Variants in TCTN1 observed in about 807,000 individuals in gnomAD.
TCTN1 encodes tectonic family member 1.
In TCTN1, 58 loss-of-function variants were observed where a neutral mutation model predicts 65.8. That is an observed-to-expected ratio of 0.88 (90% CI 0.71 to 1.10). The LOEUF is 1.10. Ranked by LOEUF, TCTN1 falls within the 50% of genes least tolerant of loss-of-function variation. TCTN1 has a pLI of 0.00. For synonymous variants in TCTN1, 273 were observed against 289.1 expected (o/e 0.94, Z 0.57); for missense variants, 645 against 719.4 (o/e 0.90, Z 1.18).
At chr12:110,620,106 G>A in intron 2 of TCTN1, 150 bp downstream of exon 2, 1 of 1,230,738 alleles carries the variant, frequency 8.1e-7, no homozygotes, top group African/African-American at 1.5e-5. Context: ...AAACAAATAT[G>A]TAAAAAAGTA....
intron 5 of TCTN1, 103 bp downstream of exon 5, chr12:110,632,662 G>T: frequency 8.2e-7 from 1 of 1,219,162 alleles, no homozygotes; most frequent in Non-Finnish European, 1.2e-6. Context: ...GACCAAAATC[G>T]CAATTATTTT....
At chr12:110,627,918 G>A in intron 3 of TCTN1, 1 of 933,456 alleles carries the variant, frequency 1.1e-6, no homozygotes, top group Non-Finnish European at 1.6e-6. Context: ...GTTCTCTTGT[G>A]ATTGAAAACA....
At chr12:110,635,127 AG>A (rs1488224882) in intron 6 of TCTN1, among the ~76,000 whole-genome samples, 3 of 152,344 alleles carry the variant, frequency 2.0e-5, no homozygotes, top group Admixed American at 6.5e-5. Context: ...AGCCCCAAAA[AG>A]GGCTCCCTCT....
In TCTN1 at chr12:110,644,814, T is replaced by C. The variant is rs1208525426; in HGVS notation, c.1332-153T>C. 1.4e-5 allele frequency: 13 copies of C among 940,268 alleles called. No individual in the cohort carries two copies. In the East Asian group the frequency reaches 3.0e-4, roughly 22 times the overall value. The allele number at this position is 940,268 out of a possible 1,614,324, so 58.2% of individuals were successfully genotyped here. A position where few individuals can be genotyped will look rare whatever the true frequency, so the allele number is the denominator to read the frequency against. ...CCAGGAGTTTGAGGCTGCAGGGAGC[T>C]ATGATGGTGCCACTGCACTCCAGCT... On this transcript the variant is annotated intron_variant, in intron 11 of 14. Coordinates refer to ENST00000397659, the MANE Select transcript of TCTN1 (RefSeq NM_001082538.3). The surrounding 1 kb of genome is among the most constrained non-coding windows in gnomAD (Gnocchi z 4.6).
chr12:110,633,523 G>T (rs1175377608), intron 5 of TCTN1, among the ~76,000 whole-genome samples: 1 of 152,028 alleles, frequency 6.6e-6, no homozygotes, highest in African/African-American at 2.4e-5. Context: ...TGTAGTTCCA[G>T]CTACTCAGGA....
chr12:110,617,472 C>A (rs1404369284), intron 1 of TCTN1, among the ~76,000 whole-genome samples: 6 of 151,360 alleles, frequency 4.0e-5, no homozygotes, highest in Non-Finnish European at 1.5e-5. Context: ...TACAGCCGCG[C>A]GCCACCATGC....
intron 1 of TCTN1, 58 bp from the exon 2 acceptor site, chr12:110,619,778 G>T: frequency 6.2e-7 from 1 of 1,610,710 alleles, no homozygotes; most frequent in Non-Finnish European, 8.5e-7. Context: ...TGGTGGCAGG[G>T]GGCAGTCACC....
chr12:110,636,224 A>T (rs1012713962), intron 6 of TCTN1: 14 of 444,640 alleles, frequency 3.1e-5, no homozygotes, highest in African/African-American at 6.0e-5. Context: ...TGGAGCATGG[A>T]GCCTTCCTGA....
chr12:110,616,225 G>C, intron 1 of TCTN1: 2 of 443,794 alleles, frequency 4.5e-6, no homozygotes, highest in Admixed American at 4.9e-5. Flanking sequence ...CCAGTATAGG[G>C]GATGAATTTG....
In TCTN1 at chr12:110,614,248, C is replaced by T. The variant is rs1442508426; in HGVS notation, c.66C>T (p.Ala22=). The T allele has an allele frequency of 1.3e-6, 2 of 1,594,138 alleles. No individual in the cohort carries two copies. Among genetic ancestry groups the T allele is most frequent in the Admixed American group, 1.8e-5 (1 of 56,786 alleles). ...VLLGCWASVS[A]QTDATPAVTT... is the part of the protein sequence containing the mutation. ...TGGGCTGCTGGGCCTCCGTGAGCGC[C>T]CAGACCGATGCCACCCCGGCGGTGA... Residue 22 remains alanine, a synonymous_variant, in exon 1 of 15, where the codon GCC becomes GCT. Transcript: ENST00000397659.
At chr12:110,614,780 C>T (rs1470968340) in intron 1 of TCTN1, among the ~76,000 whole-genome samples, 1 of 152,092 alleles carries the variant, frequency 6.6e-6, no homozygotes, top group African/African-American at 2.4e-5. Flanking sequence ...AAAGAGAGGC[C>T]AAAGGTCTAT....
Position 110,644,912 on chromosome 12 carries a change from C to T in TCTN1, c.1332-55C>T. ...AGGAAAGGAAGAAGAAAATGAAAAACTGCTGGTGGATGAACAACAGCCTCA... is the reference window on the plus strand; with the variant it reads ...AGGAAAGGAAGAAGAAAATGAAAAATTGCTGGTGGATGAACAACAGCCTCA... On this transcript the variant is annotated intron_variant, in intron 11 of 14. Coordinates refer to ENST00000397659, the MANE Select transcript of TCTN1 (RefSeq NM_001082538.3). The surrounding 1 kb of genome is among the most constrained non-coding windows in gnomAD (Gnocchi z 4.6). The T allele has an allele frequency of 6.2e-7, 1 of 1,606,146 alleles. No homozygotes were observed. Among genetic ancestry groups the T allele is most frequent in the Non-Finnish European group, 8.5e-7 (1 of 1,173,078 alleles).
chr12:110,647,917 CCT>C, intron 14 of TCTN1, 24 bp downstream of exon 14: 1 of 1,612,020 alleles, frequency 6.2e-7, no homozygotes, highest in Non-Finnish European at 8.5e-7. Flanking sequence ...CTACGCCCCT[CCT>C]CTGAGGTCAT....
intron 2 of TCTN1, among the ~76,000 whole-genome samples, chr12:110,620,874 G>A (rs1007105363): frequency 2.7e-5 from 4 of 149,088 alleles, no homozygotes; most frequent in Non-Finnish European, 5.9e-5. Context: ...GTGCAGTGGT[G>A]TGATAGTGGC....
chr12:110,624,422 C>T (rs2065681526), intron 2 of TCTN1, among the ~76,000 whole-genome samples: 1 of 152,098 alleles, frequency 6.6e-6, no homozygotes, highest in Non-Finnish European at 1.5e-5. Context: ...CTGTGTTGCC[C>T]AGGCTGGTCT....
rs1229592094 is a variant in TCTN1, at chr12:110,649,156, A to AATT, written c.*117_*119dup. On this transcript the variant is annotated 3_prime_UTR_variant, in exon 15 of 15. Transcript: ENST00000397659. ...TTGTCCAGCTTTGTTGCTCATTTTC[A>AATT]ATTAAGGCTAAAGTGTTCAACATGA... The AATT allele has an allele frequency of 1.5e-6, 1 of 680,668 alleles. No homozygotes were observed. The highest frequency in any genetic ancestry group is 2.7e-6 in the Non-Finnish European group (1 of 375,364). 42.2% of individuals were successfully genotyped at this position (680,668 alleles called of 1,614,324 possible).
chr12:110,642,997 C>T (rs561276769), intron 11 of TCTN1, among the ~76,000 whole-genome samples: 84 of 152,112 alleles, frequency 5.5e-4, no homozygotes, highest in Non-Finnish European at 1.1e-3. Flanking sequence ...CTCAGGTGAT[C>T]TGCCTGCCTT....
chr12:110,615,618 C>A (rs996441223), intron 1 of TCTN1, among the ~76,000 whole-genome samples: 3 of 152,064 alleles, frequency 2.0e-5, no homozygotes, highest in African/African-American at 4.8e-5. Flanking sequence ...GTAGCTGGAA[C>A]CACAGGCGTG....
Position 110,639,824 on chromosome 12 carries a change from T to G in TCTN1, c.844-559T>G, listed in dbSNP as rs1462668433. 6.6e-6 allele frequency among the ~76,000 whole-genome samples: 1 copy of G among 152,200 alleles called. No individual in the cohort carries two copies. The highest frequency in any genetic ancestry group is 2.4e-5 in the African/African-American group (1 of 41,454). On this transcript the variant is annotated intron_variant, in intron 7 of 14. Transcript: ENST00000397659. This position sits in a 1 kb window ranked among gnomAD's most constrained non-coding sequence, Gnocchi z 4.9. Reference sequence around the variant, plus strand: ...TTGTGTTAGCAGTCACTCCTCATTCTTCCCCAGCTTTGTCCCCCATCCCCT... The same window carrying G: ...TTGTGTTAGCAGTCACTCCTCATTCGTCCCCAGCTTTGTCCCCCATCCCCT...
Sources: gnomAD v4.1 joint callset for allele counts (sites outside exome capture counted in the v4.1 genomes callset) on GRCh38, gnomAD v4.1.1 for gene constraint, Gnocchi (gnomAD v3.1) non-coding constraint, MANE v1.5 for transcripts, NCBI Gene and HGNC (gene_info 2026-07-23, HGNC 2026-07-21) for gene names.